CFAP97: variants seen among roughly 807,000 people sequenced by gnomAD.
The protein encoded by CFAP97 is cilia and flagella associated protein 97, also known as cilia- and flagella-associated protein 97.
CFAP97 carries 36 observed loss-of-function variants against 43.1 expected under a neutral mutation model. The ratio of observed to expected loss-of-function variants is 0.84; its 90% confidence interval spans 0.64 to 1.10. The LOEUF is 1.10. Among genes scored for constraint, CFAP97 ranks in the 50% least tolerant of loss-of-function variants. The pLI, the probability that CFAP97 is intolerant of heterozygous loss-of-function variation, is 0.00. For missense variants in CFAP97, 657 were observed against 620.3 expected (o/e 1.06, Z -0.63); for synonymous variants, 228 against 225.7 (o/e 1.01, Z -0.09).
intron 2 of CFAP97, among the ~76,000 whole-genome samples, chr4:185,188,193 CGCT>C (rs1230410463): frequency 6.6e-6 from 1 of 151,950 alleles, no homozygotes; most frequent in Admixed American, 6.6e-5. Flanking sequence ...CGTGCTCGGC[CGCT>C]ATTATTATTA....
At chr4:185,179,676 G>C (rs1464688787) in intron 2 of CFAP97, among the ~76,000 whole-genome samples, 1 of 152,190 alleles carries the variant, frequency 6.6e-6, no homozygotes, top group Non-Finnish European at 1.5e-5. Context: ...TGGGTTGACT[G>C]TAGTCCCGGC....
chr4:185,190,884 C>T lies in CFAP97; in HGVS notation c.313G>A (p.Asp105Asn), dbSNP rs1392144243. The stretch of plus-strand genomic sequence containing the variant: ...TGTATTTTAAGTCCTGTTGTAACAT[C>T]ACACAATTTTTTTGATCTTGAAGAG... ...PASSRSKKLCDVTTGLKIHVS... is the reference protein window; with the variant it reads ...PASSRSKKLCNVTTGLKIHVS... Residue 105 changes from aspartate to asparagine, a missense_variant, in exon 2 of 5, where the codon GAT (aspartate) becomes AAT (asparagine). Asp to Asn is a conservative substitution (Grantham distance 23). Coordinates refer to ENST00000458385, the MANE Select transcript of CFAP97 (RefSeq NM_020827.3). 1 of 1,612,922 alleles carries T rather than the reference C, an allele frequency of 6.2e-7. No individual in the cohort carries two copies. Among genetic ancestry groups the T allele is most frequent in the Non-Finnish European group, 8.5e-7 (1 of 1,179,424 alleles).
At chr4:185,209,606 C>T (rs1275471434), upstream of CFAP97, 2 of 415,520 alleles carry the variant, frequency 4.8e-6, no homozygotes, top group African/African-American at 4.3e-5. This position sits in a 1 kb window ranked among gnomAD's most constrained non-coding sequence, Gnocchi z 5.2. Flanking sequence ...TCAGTCACAA[C>T]ACGGTGGGGC....
intron 1 of CFAP97, among the ~76,000 whole-genome samples, chr4:185,200,030 T>C (rs971621772): frequency 6.6e-6 from 1 of 152,258 alleles, no homozygotes; most frequent in East Asian, 1.9e-4. Context: ...CAGATAATAA[T>C]TCCTCTGACG....
intron 2 of CFAP97, among the ~76,000 whole-genome samples, chr4:185,179,521 A>C (rs1735699008): frequency 6.6e-6 from 1 of 152,112 alleles, no homozygotes; most frequent in South Asian, 2.1e-4. Flanking sequence ...ACGTGCTTAG[A>C]ATCCTGAGCC....
In CFAP97 at chr4:185,159,953, G is replaced by A. The variant is rs1479345333; in HGVS notation, c.*2845C>T. The A allele has an allele frequency of 1.3e-5, 2 of 152,116 alleles. No individual in the cohort carries two copies. The highest frequency in any genetic ancestry group is 4.8e-5 in the African/African-American group (2 of 41,414). The allele number at this position is 152,116 out of a possible 1,614,324, so 9.4% of individuals were successfully genotyped here. ...TTTGGGTTTATATTGGTCTTAACAT[G>A]TTTCATAGTTTGCAGTATTTGAAGA... On this transcript the variant is annotated 3_prime_UTR_variant, in exon 5 of 5. Coordinates refer to ENST00000458385, the MANE Select transcript of CFAP97 (RefSeq NM_020827.3).
rs1161844583 is a variant in CFAP97 at position 185,175,954 on chromosome 4, C to T, written c.1152G>A (p.Val384=). 2.5e-6 allele frequency: 4 copies of T among 1,613,764 alleles called. No homozygotes were observed. Among genetic ancestry groups the T allele is most frequent in the Non-Finnish European group, 3.4e-6 (4 of 1,179,892 alleles). The change falls in exon 3 of 5, where the codon GTG becomes GTA. Residue 384 remains valine, a synonymous_variant. Coordinates refer to ENST00000458385, the MANE Select transcript of CFAP97 (RefSeq NM_020827.3). ...GKNYSFTREE[V]RQIDRENQRL... ...TCTGATTTTCCCGATCGATCTGTCTCACCTCTTCTCTTGTGAAAGAGTAGT... is the reference window on the plus strand; with the variant it reads ...TCTGATTTTCCCGATCGATCTGTCTTACCTCTTCTCTTGTGAAAGAGTAGT...
chr4:185,168,096 C>A (rs906091640), intron 3 of CFAP97, among the ~76,000 whole-genome samples: 1 of 151,804 alleles, frequency 6.6e-6, no homozygotes, highest in Non-Finnish European at 1.5e-5. Context: ...ATTATCTTCC[C>A]AGCTAAGTTT....
At position 185,193,211 on chromosome 4, in the gene CFAP97, G is replaced by C. The variant is rs1736379601; in HGVS notation, c.-16-1999C>G. 2.0e-5 allele frequency among the ~76,000 whole-genome samples: 3 copies of C among 152,132 alleles called. 1 individual carries two copies. The South Asian group carries it at 6.2e-4, about 32-fold the overall frequency. On this transcript the variant is annotated intron_variant, in intron 1 of 4. Coordinates refer to ENST00000458385, the MANE Select transcript of CFAP97 (RefSeq NM_020827.3). ...GAATGAAACAGAGGATCAGTTTAAAGGGGCTTCCACTGTCCAAGTTGGACA... is the reference window on the plus strand; with the variant it reads ...GAATGAAACAGAGGATCAGTTTAAACGGGCTTCCACTGTCCAAGTTGGACA...
rs1297482113 is a variant in CFAP97 at position 185,161,638 on chromosome 4, C to T, written c.*1160G>A. The stretch of plus-strand genomic sequence containing the variant: ...AATTTGAAAAGTCAACAACATTAAA[C>T]CCTATCTGCCATTACCAATTCCATC... On this transcript the variant is annotated 3_prime_UTR_variant, in exon 5 of 5. Coordinates refer to ENST00000458385, the MANE Select transcript of CFAP97 (RefSeq NM_020827.3). 6.6e-6 allele frequency: 1 copy of T among 152,136 alleles called. No homozygotes were observed. The highest frequency in any genetic ancestry group is 1.5e-5 in the Non-Finnish European group (1 of 68,036). The allele number at this position is 152,136 out of a possible 1,614,324, so 9.4% of individuals were successfully genotyped here.
rs191084392 is a variant in CFAP97 at position 185,197,669 on chromosome 4, G to A, written c.-17+6229C>T. On this transcript the variant is annotated intron_variant, in intron 1 of 4. Coordinates refer to ENST00000458385, the MANE Select transcript of CFAP97 (RefSeq NM_020827.3). ...TCTTGATCTCCTGACCTCGGGATCCGCCCGCCTTGGCCTCCCAAAGTGCTG... is the reference window on the plus strand; with the variant it reads ...TCTTGATCTCCTGACCTCGGGATCCACCCGCCTTGGCCTCCCAAAGTGCTG... Among the ~76,000 whole-genome samples, 1,358 of 152,252 alleles carry A rather than the reference G, an allele frequency of 8.9e-3. 19 individuals are homozygous for A. Among genetic ancestry groups the A allele is most frequent in the African/African-American group, 0.03 (1,254 of 41,572 alleles).
intron 3 of CFAP97, among the ~76,000 whole-genome samples, chr4:185,165,926 C>T (rs1735052027): frequency 6.6e-6 from 1 of 151,780 alleles, no homozygotes; most frequent in African/African-American, 2.4e-5. Context: ...GGAAGGGCCA[C>T]TTAGAAAAGG....
intron 2 of CFAP97, among the ~76,000 whole-genome samples, chr4:185,189,008 T>C (rs550731490): frequency 6.6e-6 from 1 of 152,128 alleles, no homozygotes; most frequent in African/African-American, 2.4e-5. Context: ...GACGCTGAGG[T>C]AGGAGGTTTG....
Position 185,193,887 on chromosome 4 carries a change from G to GATAA in CFAP97, c.-16-2679_-16-2676dup, listed in dbSNP as rs71593607. Among the ~76,000 whole-genome samples the GATAA allele has an allele frequency of 6.9e-3, 1,025 of 147,786 alleles. 12 individuals are homozygous for GATAA. The highest frequency in any genetic ancestry group is 0.024 in the African/African-American group (957 of 40,196). Reference sequence around the variant, plus strand: ...TGGGCGACAGAGAGAGACTCCATCTGATAAATAAATAAATAAATAAATAAG... The same window carrying GATAA: ...TGGGCGACAGAGAGAGACTCCATCTGATAAATAAATAAATAAATAAATAAATAAG... On this transcript the variant is annotated intron_variant, in intron 1 of 4. Coordinates refer to ENST00000458385, the MANE Select transcript of CFAP97 (RefSeq NM_020827.3).
Position 185,190,709 on chromosome 4 carries a change from C to A in CFAP97, c.488G>T (p.Arg163Met). The A allele has an allele frequency of 6.4e-7, 1 of 1,570,750 alleles. No individual in the cohort carries two copies. Among genetic ancestry groups the A allele is most frequent in the East Asian group, 2.3e-5 (1 of 43,278 alleles). The change falls in exon 2 of 5, where the codon AGG becomes ATG. Residue 163 changes from arginine to methionine, a missense_variant. Transcript: ENST00000458385. ...GGAGCTAACTTTGCAATACTTTTTCCTTATGCTTTTTTTAACGTTAGTAGA... is the reference window on the plus strand; with the variant it reads ...GGAGCTAACTTTGCAATACTTTTTCATTATGCTTTTTTTAACGTTAGTAGA... ...KPSTNVKKSI[R>M]KKYCKVSSSS...
In CFAP97 at chr4:185,190,369, A is replaced by G. The variant is rs1353743722; in HGVS notation, c.828T>C (p.Asp276=). 23 of 1,608,542 alleles carry G rather than the reference A, an allele frequency of 1.4e-5. No individual in the cohort carries two copies. Among genetic ancestry groups the G allele is most frequent in the Non-Finnish European group, 1.7e-5 (20 of 1,176,944 alleles). ...CTTGCTTTTTAATTTTCACTTTTTG[A>G]TCATTTGCTATGCCCAGTTCAAAAG... ...LQSFELGIAN[D]QKVKIKKQEN... is the part of the protein sequence containing the mutation. Residue 276 remains aspartate (D), a synonymous_variant, in exon 2 of 5, where the codon GAT becomes GAC. Transcript: ENST00000458385.
chr4:185,163,020 T>C, intron 4 of CFAP97, 95 bp from the exon 5 acceptor site: 1 of 1,106,614 alleles, frequency 9.0e-7, no homozygotes, highest in Non-Finnish European at 1.2e-6. Flanking sequence ...TCTAATAGTC[T>C]AATGCTATGA....
chr4:185,162,646 A>C lies in CFAP97; in HGVS notation c.*152T>G. The stretch of plus-strand genomic sequence containing the variant: ...TACATTAAATCGTTTTTTGACAATA[A>C]TTTTGCACTGAATAACAATACATTA... On this transcript the variant is annotated 3_prime_UTR_variant, in exon 5 of 5. Coordinates refer to ENST00000458385, the MANE Select transcript of CFAP97 (RefSeq NM_020827.3). 1.3e-6 allele frequency: 1 copy of C among 781,976 alleles called. No homozygotes were observed. Among genetic ancestry groups the C allele is most frequent in the Non-Finnish European group, 2.0e-6 (1 of 502,042 alleles). 48.4% of individuals were successfully genotyped at this position (781,976 alleles called of 1,614,324 possible).
chr4:185,193,417 C>T (rs942988003), intron 1 of CFAP97, among the ~76,000 whole-genome samples: 15 of 152,096 alleles, frequency 9.9e-5, no homozygotes, highest in Admixed American at 2.0e-4. Flanking sequence ...GAGGCAAAGG[C>T]GGGTGGATCA....
Sources: allele counts gnomAD v4.1 joint callset (sites outside exome capture counted in the v4.1 genomes callset), GRCh38; gene constraint gnomAD v4.1.1; non-coding constraint Gnocchi (gnomAD v3.1); transcripts MANE v1.5; gene names NCBI Gene and HGNC (gene_info 2026-07-23, HGNC 2026-07-21).